The following VWC2 variants were observed in gnomAD, a reference collection of about 807,000 sequenced individuals.
VWC2 encodes the protein brorin.
A neutral mutation model predicts 29.8 loss-of-function variants in VWC2; 14 were observed. That is an observed-to-expected ratio of 0.47 (90% confidence interval 0.31 to 0.74). The LOEUF is 0.74. VWC2 is among the 30% of genes least tolerant of loss of function. The probability of loss-of-function intolerance (pLI) is 0.05; values close to 1 mark genes in which losing one functional copy is unlikely to be tolerated. For missense variants in VWC2, 457 were observed against 459.8 expected (o/e 0.99, Z 0.05); for synonymous variants, 213 against 199.0 (o/e 1.07, Z -0.59).
intron 3 of VWC2, among the ~76,000 whole-genome samples, chr7:49,824,087 AGAG>A (rs1004890955): frequency 4.6e-5 from 7 of 152,114 alleles, no homozygotes; most frequent in Admixed American, 4.6e-4. Context: ...TCTTTTAAGA[AGAG>A]CAGAATTTTT....
chr7:49,830,772 G>A (rs1386536749), intron 3 of VWC2, among the ~76,000 whole-genome samples: 1 of 152,032 alleles, frequency 6.6e-6, no homozygotes, highest in Non-Finnish European at 1.5e-5. Context: ...TGTGGTGTTT[G>A]GTTTTTTGTC....
intron 3 of VWC2, among the ~76,000 whole-genome samples, chr7:49,899,634 A>G (rs1792599435): frequency 6.6e-6 from 1 of 152,040 alleles, no homozygotes; most frequent in African/African-American, 2.4e-5. Context: ...ACAGGTCTTC[A>G]ATATGCATTT....
At chr7:49,899,122 C>T (rs796457282) in intron 3 of VWC2, among the ~76,000 whole-genome samples, 1 of 151,972 alleles carries the variant, frequency 6.6e-6, no homozygotes, top group South Asian at 2.1e-4. Context: ...GACTATCCCC[C>T]CTTATCCACA....
chr7:49,822,949 A>C (rs532705777), intron 3 of VWC2, among the ~76,000 whole-genome samples: 2 of 152,318 alleles, frequency 1.3e-5, no homozygotes, highest in African/African-American at 4.8e-5. Context: ...GATTAGTATG[A>C]ATAATGCTCC....
chr7:49,837,724 T>TA (rs774545424), intron 3 of VWC2, among the ~76,000 whole-genome samples: 22 of 152,188 alleles, frequency 1.4e-4, no homozygotes, highest in Non-Finnish European at 3.1e-4. Flanking sequence ...AATACTTACT[T>TA]ACCAGAGATG....
At chr7:49,848,920 C>T (rs1022094403) in intron 3 of VWC2, among the ~76,000 whole-genome samples, 2 of 152,140 alleles carry the variant, frequency 1.3e-5, no homozygotes, top group Non-Finnish European at 2.9e-5. Flanking sequence ...TTCAGAATTT[C>T]CTAGTCTCTG....
In VWC2 at chr7:49,913,777, A is replaced by G. The variant is rs947942181; in HGVS notation, c.*1592A>G. 1 of 152,226 alleles carries G rather than the reference A, an allele frequency of 6.6e-6. No individual in the cohort carries two copies. Among genetic ancestry groups the G allele is most frequent in the Non-Finnish European group, 1.5e-5 (1 of 68,034 alleles). 9.4% of individuals were successfully genotyped at this position (152,226 alleles called of 1,614,324 possible). On this transcript the variant is annotated 3_prime_UTR_variant, in exon 4 of 4. Coordinates refer to ENST00000340652, the MANE Select transcript of VWC2 (RefSeq NM_198570.5). ...AGAACATGAAAAAATCATTATATAA[A>G]AAATAATTCAATCATTAAAGACTGA...
intron 3 of VWC2, among the ~76,000 whole-genome samples, chr7:49,843,972 T>C (rs1234075052): frequency 1.3e-5 from 2 of 152,222 alleles, no homozygotes; most frequent in East Asian, 1.9e-4. Flanking sequence ...CAGGGGCCTA[T>C]GTGTAAGGGA....
chr7:49,869,479 T>C (rs1462031012), intron 3 of VWC2, among the ~76,000 whole-genome samples: 2 of 152,218 alleles, frequency 1.3e-5, no homozygotes, highest in Non-Finnish European at 2.9e-5. Flanking sequence ...AATTATCTTG[T>C]ATATTACAAA....
At chr7:49,822,744 C>T (rs1789291722) in intron 3 of VWC2, among the ~76,000 whole-genome samples, 2 of 152,178 alleles carry the variant, frequency 1.3e-5, no homozygotes, top group African/African-American at 4.8e-5. Flanking sequence ...CTGTGCTTTA[C>T]AGAATTTCAG....
chr7:49,782,190 C>G (rs568317898), intron 2 of VWC2, among the ~76,000 whole-genome samples: 1 of 152,172 alleles, frequency 6.6e-6, no homozygotes, highest in East Asian at 1.9e-4. Context: ...AGGGCTGCCC[C>G]TTTGGGAGGG....
chr7:49,787,914 T>A (rs1372871616), intron 2 of VWC2, among the ~76,000 whole-genome samples: 1 of 152,190 alleles, frequency 6.6e-6, no homozygotes, highest in Admixed American at 6.5e-5. Flanking sequence ...ATGACAGATA[T>A]AATTTAATGG....
At chr7:49,841,138 C>G (rs1789784047) in intron 3 of VWC2, among the ~76,000 whole-genome samples, 1 of 152,152 alleles carries the variant, frequency 6.6e-6, no homozygotes, top group African/African-American at 2.4e-5. Context: ...GCTGTCTGTT[C>G]TGGCCCAGGA....
At chr7:49,802,409 G>A (rs193221131) in intron 2 of VWC2, among the ~76,000 whole-genome samples, 11 of 152,202 alleles carry the variant, frequency 7.2e-5, no homozygotes, top group East Asian at 5.8e-4. Context: ...AGGCTGAGGC[G>A]GGCAGATCAC....
intron 3 of VWC2, among the ~76,000 whole-genome samples, chr7:49,829,957 T>C (rs1789487962): frequency 1.3e-5 from 2 of 152,252 alleles, no homozygotes; most frequent in Admixed American, 1.3e-4. Context: ...TGGGTTATTG[T>C]AATTTTTTCA....
At chr7:49,867,106 G>T (rs983236886) in intron 3 of VWC2, among the ~76,000 whole-genome samples, 1 of 152,160 alleles carries the variant, frequency 6.6e-6, no homozygotes, top group Non-Finnish European at 1.5e-5. Context: ...CTCCCTGGGG[G>T]TCCTGCAGCT....
chr7:49,781,346 G>T (rs1788173318), intron 2 of VWC2, among the ~76,000 whole-genome samples: 1 of 151,916 alleles, frequency 6.6e-6, no homozygotes, highest in African/African-American at 2.4e-5. Context: ...CTGCTTATTT[G>T]CATGTTCCAT....
chr7:49,831,995 C>T (rs1016222802), intron 3 of VWC2, among the ~76,000 whole-genome samples: 2 of 152,134 alleles, frequency 1.3e-5, no homozygotes, highest in South Asian at 2.1e-4. Context: ...CTGAGGCCAG[C>T]CTGTTCTCAG....
intron 3 of VWC2, among the ~76,000 whole-genome samples, chr7:49,877,184 G>A (rs979389599): frequency 5.9e-5 from 9 of 151,828 alleles, no homozygotes; most frequent in East Asian, 1.9e-4. Flanking sequence ...ATTTGGGGCC[G>A]GGCGTAATGG....
Sources: gnomAD v4.1 joint callset for allele counts (sites outside exome capture counted in the v4.1 genomes callset) on GRCh38, gnomAD v4.1.1 for gene constraint, MANE v1.5 for transcripts, NCBI Gene and HGNC (gene_info 2026-07-23, HGNC 2026-07-21) for gene names.